The following SP6 variants were observed in gnomAD, a reference collection of about 807,000 sequenced individuals.
SP6 encodes transcription factor Sp6.
Under a neutral mutation model 23.4 loss-of-function variants are expected in SP6, and 10 were observed. The ratio of observed to expected loss-of-function variants is 0.43; its 90% CI spans 0.26 to 0.72. SP6 has a LOEUF of 0.72. Among genes scored for constraint, SP6 ranks in the 30% least tolerant of loss-of-function variants. SP6 has a pLI of 0.23. For missense variants in SP6, 482 were observed against 523.8 expected (o/e 0.92, Z 0.78); for synonymous variants, 238 against 238.7 (o/e 1.00, Z 0.03).
Position 47,847,675 on chromosome 17 carries a change from T to C in SP6, c.755A>G (p.His252Arg). The change falls in exon 2 of 2, where the codon CAT becomes CGT. Residue 252 changes from histidine to arginine, a missense_variant. By Grantham distance (29) the His-to-Arg change is conservative. This residue lies in a region of SP6 where 51 missense variants were observed against 92.1 expected (regional missense o/e 0.55). Coordinates refer to ENST00000536300, the MANE Select transcript of SP6 (RefSeq NM_001258248.2). ...GCCCGGGATGTGGCAGTTGTGCAAA[T>C]GCTTCTTCTTGCCCCCATCGGGCCC... ...PCGPDGGKKKHLHNCHIPGCG... is the reference protein window; with the variant it reads ...PCGPDGGKKKRLHNCHIPGCG... 6.2e-7 allele frequency: 1 copy of C among 1,611,478 alleles called. No individual in the cohort carries two copies. The highest frequency in any genetic ancestry group is 2.2e-5 in the East Asian group (1 of 44,862).
chr17:47,862,714 T>A, the SP6 span, among the ~76,000 whole-genome samples: 1 of 152,190 alleles, frequency 6.6e-6, no homozygotes, highest in East Asian at 1.9e-4. Context: ...GGGGAAAAAG[T>A]GGCATTGATC....
chr17:47,847,266 C>G lies in SP6; in HGVS notation c.*33G>C, dbSNP rs1427143710. ...CTGGGGGCTCGCATCCAGTGCCCCCCGGGATACCCGCAGGGAGGCGGCACT... is the reference window on the plus strand; with the variant it reads ...CTGGGGGCTCGCATCCAGTGCCCCCGGGGATACCCGCAGGGAGGCGGCACT... On this transcript the variant is annotated 3_prime_UTR_variant, in exon 2 of 2. Coordinates refer to ENST00000536300, the MANE Select transcript of SP6 (RefSeq NM_001258248.2). The G allele has an allele frequency of 2.7e-6, 4 of 1,474,086 alleles. No individual in the cohort carries two copies. In the Admixed American group the frequency reaches 7.4e-5, roughly 27 times the overall value. The allele number at this position is 1,474,086 out of a possible 1,614,324, so 91.3% of individuals were successfully genotyped here.
the SP6 span, among the ~76,000 whole-genome samples, chr17:47,863,736 G>GTTT: frequency 3.6e-5 from 3 of 84,470 alleles, no homozygotes; most frequent in African/African-American, 1.8e-4. Flanking sequence ...GCCTAATTTT[G>GTTT]TATTTTTTTT....
chr17:47,872,142 GCAGGTAGTTCCAAC>G, the SP6 span, among the ~76,000 whole-genome samples: 1 of 142,570 alleles, frequency 7.0e-6, no homozygotes, highest in Non-Finnish European at 1.6e-5. Context: ...TATCAGGGTC[GCAGGTAGTTCCAAC>G]CTCAACTGGG....
the SP6 span, among the ~76,000 whole-genome samples, chr17:47,864,109 G>T: frequency 6.6e-6 from 1 of 150,940 alleles, no homozygotes; most frequent in African/African-American, 2.4e-5. Context: ...CTCCCAAAGT[G>T]CTGGGATTAC....
chr17:47,850,424 CACCCTTAGGTGGCA>C (rs1328190367), intron 1 of SP6, among the ~76,000 whole-genome samples: 1 of 152,158 alleles, frequency 6.6e-6, no homozygotes, highest in Admixed American at 6.5e-5. Context: ...GATATGGAGC[CACCCTTAGGTGGCA>C]ACCCTTAGGT....
chr17:47,848,239 G>C lies in SP6; in HGVS notation c.191C>G (p.Ser64Trp). 6.2e-7 allele frequency: 1 copy of C among 1,611,976 alleles called. No individual in the cohort carries two copies. The highest frequency in any genetic ancestry group is 1.3e-5 in the African/African-American group (1 of 74,996). The change falls in exon 2 of 2, where the codon TCG becomes TGG. Residue 64 changes from serine (S) to tryptophan (W), a missense_variant. Coordinates refer to ENST00000536300, the MANE Select transcript of SP6 (RefSeq NM_001258248.2). This position sits in a 1 kb window ranked among gnomAD's most constrained non-coding sequence, Gnocchi z 5.3. ...GGCCCCTGGCAGCTCATAGCCCTGC[G>C]AGAAGTCCACCTCCGGGCCCAGCGG... ...SLPLGPEVDFSQGYELPGASS... is the reference protein window; with the variant it reads ...SLPLGPEVDFWQGYELPGASS...
chr17:47,855,378 A>G (rs1380321563), upstream of SP6, among the ~76,000 whole-genome samples: 6 of 152,046 alleles, frequency 3.9e-5, no homozygotes, highest in South Asian at 4.1e-4. Flanking sequence ...CTGTATTTCT[A>G]TTAACATTTA....
chr17:47,847,717 C>T lies in SP6; in HGVS notation c.713G>A (p.Arg238Gln). ...ATCGGGCCCACATGGAGCCCCCAGTCGCTCCGCCTCCAGACAGTTGGGGCA... is the reference window on the plus strand; with the variant it reads ...ATCGGGCCCACATGGAGCCCCCAGTTGCTCCGCCTCCAGACAGTTGGGGCA... ...CRCPNCLEAERLGAPCGPDGG... is the reference protein window; with the variant it reads ...CRCPNCLEAEQLGAPCGPDGG... Residue 238 changes from arginine to glutamine, a missense_variant, in exon 2 of 2, where the codon CGA (arginine) becomes CAA (glutamine). Around this residue, in one of 3 missense-constraint regions of SP6, gnomAD observed 330 missense variants for 332.3 expected, o/e 0.99. Transcript: ENST00000536300. 6.3e-7 allele frequency: 1 copy of T among 1,599,054 alleles called. No homozygotes were observed. The highest frequency in any genetic ancestry group is 8.5e-7 in the Non-Finnish European group (1 of 1,171,470).
chr17:47,851,159 T>C lies in SP6; in HGVS notation c.-298A>G, dbSNP rs966132302. 3 of 152,318 alleles carry C rather than the reference T, an allele frequency of 2.0e-5. No individual in the cohort carries two copies. The highest frequency in any genetic ancestry group is 7.2e-5 in the African/African-American group (3 of 41,444). 9.4% of individuals were successfully genotyped at this position (152,318 alleles called of 1,614,324 possible). A position where few individuals can be genotyped will look rare whatever the true frequency, so the allele number is the denominator to read the frequency against. Reference sequence around the variant, plus strand: ...AGCTCCGCCCGTGACTCACCCGCGCTCTCTGCCTTCATCCTCTCCCCAGCG... The same window carrying C: ...AGCTCCGCCCGTGACTCACCCGCGCCCTCTGCCTTCATCCTCTCCCCAGCG... On this transcript the variant is annotated 5_prime_UTR_variant, in exon 1 of 2. Coordinates refer to ENST00000536300, the MANE Select transcript of SP6 (RefSeq NM_001258248.2).
chr17:47,866,700 G>A, the SP6 span, among the ~76,000 whole-genome samples: 20 of 152,094 alleles, frequency 1.3e-4, no homozygotes, highest in African/African-American at 4.3e-4. Flanking sequence ...CCCCAGGCAC[G>A]CATGTTTCTT....
At chr17:47,856,295 A>G (rs1290886159), upstream of SP6, among the ~76,000 whole-genome samples, 1 of 152,158 alleles carries the variant, frequency 6.6e-6, no homozygotes. Context: ...ACCCAGTGTA[A>G]TCTATCTTTT....
upstream of SP6, among the ~76,000 whole-genome samples, chr17:47,853,881 T>G (rs146644187): frequency 1.2e-3 from 188 of 152,294 alleles, no homozygotes; most frequent in African/African-American, 4.3e-3. Context: ...TTTCCTCCAG[T>G]CCCCCTCTAC....
chr17:47,857,219 C>T (rs939366384), upstream of SP6, among the ~76,000 whole-genome samples: 4 of 152,106 alleles, frequency 2.6e-5, no homozygotes, highest in Admixed American at 2.6e-4. Context: ...CAGGGAGGGG[C>T]TTCCCTGTCC....
chr17:47,872,599 A>G, the SP6 span, among the ~76,000 whole-genome samples: 1 of 152,156 alleles, frequency 6.6e-6, no homozygotes, highest in South Asian at 2.1e-4. Context: ...CCCAGACACC[A>G]CACAACAAAG....
Position 47,847,550 on chromosome 17 carries a change from G to C in SP6, c.880C>G (p.Arg294Gly). Residue 294 changes from arginine (R) to glycine (G), a missense_variant, in exon 2 of 2, where the codon CGC (arginine) becomes GGC (glycine). Arg to Gly is a moderately radical substitution (Grantham distance 125, BLOSUM62 -2). Transcript: ENST00000536300. ...TGCAGCTCGTCCGAGCGCGTGAAGCGCTTGCCGCAGAAGAGCCAGTTGCAC... is the reference window on the plus strand; with the variant it reads ...TGCAGCTCGTCCGAGCGCGTGAAGCCCTTGCCGCAGAAGAGCCAGTTGCAC... The part of the protein sequence containing the change: ...FVCNWLFCGK[R>G]FTRSDELQRH... The C allele has an allele frequency of 6.2e-7, 1 of 1,613,722 alleles. No homozygotes were observed. The highest frequency in any genetic ancestry group is 8.5e-7 in the Non-Finnish European group (1 of 1,179,962).
At chr17:47,870,663 C>T in the SP6 span, among the ~76,000 whole-genome samples, 6 of 152,066 alleles carry the variant, frequency 3.9e-5, no homozygotes, top group Non-Finnish European at 8.8e-5. Flanking sequence ...ACTTCACCAC[C>T]CAAGCATGAA....
chr17:47,871,361 C>T, the SP6 span, among the ~76,000 whole-genome samples: 1 of 152,240 alleles, frequency 6.6e-6, no homozygotes, highest in Non-Finnish European at 1.5e-5. Flanking sequence ...ATACCTCTTA[C>T]TATCTGTCCC....
chr17:47,871,823 G>T, the SP6 span, among the ~76,000 whole-genome samples: 1 of 152,092 alleles, frequency 6.6e-6, no homozygotes, highest in Non-Finnish European at 1.5e-5. Context: ...GTTTCACCAT[G>T]TTGCCCAGGC....
Sources: gnomAD v4.1 joint callset for allele counts (sites outside exome capture counted in the v4.1 genomes callset) on GRCh38, gnomAD v4.1.1 for gene constraint, gnomAD v4.1.1 regional missense constraint, Gnocchi (gnomAD v3.1) non-coding constraint, MANE v1.5 for transcripts, NCBI Gene and HGNC (gene_info 2026-07-23, HGNC 2026-07-21) for gene names.